The following COL24A1 variants were observed in gnomAD, a reference collection of about 807,000 sequenced individuals.
COL24A1 encodes the protein collagen alpha-1(XXIV) chain.
COL24A1 carries 224 observed loss-of-function variants against 253.9 expected under a neutral mutation model. The observed-to-expected ratio is 0.88, with a 90% CI of 0.79 to 0.99. The LOEUF (loss-of-function observed/expected upper bound fraction) is 0.99, where lower values mean the gene tolerates loss of function less well. COL24A1 is among the 50% of genes least tolerant of loss of function. The pLI is 0.00. For synonymous variants in COL24A1, 685 were observed against 673.7 expected, an observed-to-expected ratio of 1.02 and a Z score of -0.26; for missense variants, 2,131 against 2,068.5, an observed-to-expected ratio of 1.03 and a Z score of -0.59.
chr1:85,860,513 G>A (rs1423465070), intron 37 of COL24A1, among the ~76,000 whole-genome samples: 3 of 152,142 alleles, frequency 2.0e-5, no homozygotes, highest in South Asian at 4.1e-4. Flanking sequence ...AGGCAGAGGC[G>A]GGCAGATCAC....
At chr1:86,155,900 G>C (rs2102486772) in intron 1 of COL24A1, 1 of 160,728 alleles carries the variant, frequency 6.2e-6, no homozygotes, top group East Asian at 1.8e-4. Context: ...GGGACCTCTA[G>C]CGTCACAGCA....
intron 37 of COL24A1, among the ~76,000 whole-genome samples, chr1:85,854,683 T>C (rs1678217607): frequency 1.3e-5 from 2 of 151,708 alleles, no homozygotes; most frequent in Non-Finnish European, 2.9e-5. Context: ...ATCTTTCACC[T>C]CCCTGGTTAC....
At chr1:86,044,551 A>C (rs1204638204) in intron 12 of COL24A1, among the ~76,000 whole-genome samples, 1 of 152,200 alleles carries the variant, frequency 6.6e-6, no homozygotes, top group Non-Finnish European at 1.5e-5. Flanking sequence ...TTACAAATGC[A>C]TATATTTTAA....
At chr1:85,909,241 C>A (rs1245575599) in intron 26 of COL24A1, among the ~76,000 whole-genome samples, 2 of 151,534 alleles carry the variant, frequency 1.3e-5, no homozygotes, top group East Asian at 3.9e-4. Context: ...GCTTAAAAAA[C>A]AAAACAAAAC....
At chr1:85,891,330 C>T (rs1049330961) in intron 31 of COL24A1, among the ~76,000 whole-genome samples, 2 of 151,552 alleles carry the variant, frequency 1.3e-5, no homozygotes, top group African/African-American at 2.4e-5. Context: ...TCCCAAAGTG[C>T]TGGGATTACA....
chr1:86,154,262 T>C (rs1653184041), intron 1 of COL24A1: 1 of 152,076 alleles, frequency 6.6e-6, no homozygotes, highest in African/African-American at 2.4e-5. Context: ...AATCATTAGC[T>C]ATCTTTCCCA....
intron 55 of COL24A1, among the ~76,000 whole-genome samples, chr1:85,759,752 T>G (rs1666648873): frequency 1.3e-5 from 2 of 152,224 alleles, no homozygotes; most frequent in South Asian, 4.1e-4. Context: ...AAACCTCTCA[T>G]GTCTTACTCT....
At chr1:85,774,206 C>T (rs889534481) in intron 53 of COL24A1, among the ~76,000 whole-genome samples, 3 of 152,140 alleles carry the variant, frequency 2.0e-5, no homozygotes, top group Non-Finnish European at 4.4e-5. Context: ...AGCCTTGCAT[C>T]CCAGGAATGA....
At chr1:85,755,079 T>C (rs1415068233) in intron 55 of COL24A1, among the ~76,000 whole-genome samples, 1 of 152,062 alleles carries the variant, frequency 6.6e-6, no homozygotes, top group Non-Finnish European at 1.5e-5. Context: ...GTCCGAGAGA[T>C]CTTCAACCAG....
At chr1:86,032,836 A>G (rs1698686403) in intron 13 of COL24A1, among the ~76,000 whole-genome samples, 1 of 152,188 alleles carries the variant, frequency 6.6e-6, no homozygotes. Context: ...AAAACTTTAA[A>G]TATTCTAGGA....
intron 47 of COL24A1, among the ~76,000 whole-genome samples, chr1:85,808,763 C>A (rs543909012): frequency 2.7e-4 from 41 of 152,144 alleles, no homozygotes; most frequent in Non-Finnish European, 3.7e-4. Context: ...GTTGCACAGA[C>A]AAAAATAAAT....
chr1:85,971,813 C>T (rs1056881888), intron 20 of COL24A1, among the ~76,000 whole-genome samples: 18 of 152,150 alleles, frequency 1.2e-4, no homozygotes, highest in African/African-American at 4.3e-4. Flanking sequence ...ACTCAGTATT[C>T]GTTAGCTGAA....
At chr1:85,738,803 A>T (rs1432943729) in intron 57 of COL24A1, among the ~76,000 whole-genome samples, 1 of 152,120 alleles carries the variant, frequency 6.6e-6, no homozygotes, top group African/African-American at 2.4e-5. Flanking sequence ...CTATTCTACT[A>T]ATCCCTCTAA....
chr1:85,910,319 G>T (rs1189581582), intron 25 of COL24A1, among the ~76,000 whole-genome samples: 1 of 151,836 alleles, frequency 6.6e-6, no homozygotes, highest in Admixed American at 6.6e-5. Flanking sequence ...TGTAAGAAAT[G>T]CTTACTATTT....
chr1:86,003,442 AC>A (rs1695626783), intron 19 of COL24A1, among the ~76,000 whole-genome samples: 1 of 152,168 alleles, frequency 6.6e-6, no homozygotes, highest in Admixed American at 6.5e-5. Context: ...CACTGCAGTT[AC>A]CTTCTCCTAG....
At chr1:85,993,554 G>A (rs1320255616) in intron 19 of COL24A1, among the ~76,000 whole-genome samples, 1 of 151,800 alleles carries the variant, frequency 6.6e-6, no homozygotes, top group East Asian at 1.9e-4. Flanking sequence ...AAAGGGAGAA[G>A]ACAAGAGGAA....
intron 51 of COL24A1, among the ~76,000 whole-genome samples, chr1:85,782,940 C>T (rs1364769104): frequency 6.6e-6 from 1 of 152,128 alleles, no homozygotes; most frequent in Non-Finnish European, 1.5e-5. Flanking sequence ...GCACTGGTGG[C>T]TTATTTGTCC....
chr1:85,853,949 G>A (rs1021443009), intron 37 of COL24A1, among the ~76,000 whole-genome samples: 1 of 152,144 alleles, frequency 6.6e-6, no homozygotes, highest in Non-Finnish European at 1.5e-5. Context: ...CTTTTGCTGT[G>A]CAGAAACTCT....
chr1:85,838,452 TAG>T (rs1676252726), intron 43 of COL24A1, 131 bp downstream of exon 43: 1 of 734,282 alleles, frequency 1.4e-6, no homozygotes. Context: ...GAACAGAAAG[TAG>T]AAAGACGTCT....
Sources: gnomAD v4.1 joint callset for allele counts (sites outside exome capture counted in the v4.1 genomes callset) on GRCh38, gnomAD v4.1.1 for gene constraint, MANE v1.5 for transcripts, NCBI Gene and HGNC (gene_info 2026-07-23, HGNC 2026-07-21) for gene names.